PAM: variants seen among roughly 807,000 people sequenced by gnomAD.
PAM encodes the protein peptidyl-glycine alpha-amidating monooxygenase.
In PAM, 72 loss-of-function variants were observed where a neutral mutation model predicts 122.1. The observed-to-expected ratio is 0.59, with a 90% CI of 0.49 to 0.72. The LOEUF is 0.72. Among genes scored for constraint, PAM ranks in the 30% least tolerant of loss-of-function variants. PAM has a pLI of 0.00. For synonymous variants in PAM, 389 were observed against 404.4 expected, an observed-to-expected ratio of 0.96 and a Z score of 0.46; for missense variants, 1,106 against 1,183.7, an observed-to-expected ratio of 0.93 and a Z score of 0.96.
intron 12 of PAM, among the ~76,000 whole-genome samples, chr5:102,954,729 G>T (rs1332566579): frequency 6.6e-6 from 1 of 151,976 alleles, no homozygotes; most frequent in African/African-American, 2.4e-5. Context: ...AATAAAAACA[G>T]AATTTAATTA....
chr5:102,947,432 C>T (rs1757407059), intron 8 of PAM, among the ~76,000 whole-genome samples: 1 of 152,096 alleles, frequency 6.6e-6, no homozygotes, highest in Non-Finnish European at 1.5e-5. Context: ...GAATGGAAAA[C>T]CAAACATTGT....
chr5:102,821,395 C>G (rs1771847981), intron 1 of PAM, among the ~76,000 whole-genome samples: 1 of 152,222 alleles, frequency 6.6e-6, no homozygotes, highest in African/African-American at 2.4e-5. Context: ...CAGACTCACT[C>G]ACTCAAGTCC....
In PAM at chr5:102,909,182, C is replaced by A. The variant is rs115209980; in HGVS notation, c.269-4752C>A. Among the ~76,000 whole-genome samples the A allele has an allele frequency of 8.0e-3, 1,209 of 151,580 alleles. 22 individuals carry two copies. The highest frequency in any genetic ancestry group is 0.027 in the African/African-American group (1,129 of 41,418). On this transcript the variant is annotated intron_variant, in intron 4 of 25. Transcript: ENST00000438793. ...ATTAAATATGGCTTGAAAATACAAACAGTCTTAGAATACTGACTCTTTATC... is the reference window on the plus strand; with the variant it reads ...ATTAAATATGGCTTGAAAATACAAAAAGTCTTAGAATACTGACTCTTTATC...
At chr5:102,897,003 G>A (rs920802893) in intron 3 of PAM, among the ~76,000 whole-genome samples, 1 of 151,522 alleles carries the variant, frequency 6.6e-6, no homozygotes, top group South Asian at 2.1e-4. Flanking sequence ...GGGAGACAGC[G>A]ATTTGATTCT....
intron 21 of PAM, 91 bp from the exon 22 acceptor site, chr5:103,017,243 T>C: frequency 1.2e-6 from 1 of 837,760 alleles, no homozygotes; most frequent in Admixed American, 2.0e-5. Flanking sequence ...TTTTGTTGTT[T>C]TGTTGTGGGC....
At chr5:102,852,489 G>A (rs1781568917) in intron 1 of PAM, among the ~76,000 whole-genome samples, 1 of 151,902 alleles carries the variant, frequency 6.6e-6, no homozygotes, top group Non-Finnish European at 1.5e-5. Context: ...AAGGGTAACG[G>A]TTTCTGGTTG....
intron 1 of PAM, among the ~76,000 whole-genome samples, chr5:102,793,537 A>G (rs1033021364): frequency 6.6e-6 from 1 of 152,190 alleles, no homozygotes; most frequent in African/African-American, 2.4e-5. Flanking sequence ...CTCAAAACAA[A>G]ACAACAACCA....
At chr5:102,884,148 C>G (rs1792225481) in intron 3 of PAM, among the ~76,000 whole-genome samples, 1 of 151,718 alleles carries the variant, frequency 6.6e-6, no homozygotes, top group African/African-American at 2.4e-5. Context: ...CACTGGTTCC[C>G]TTGGCGAGGT....
At chr5:102,956,777 G>T (rs938451289) in intron 12 of PAM, among the ~76,000 whole-genome samples, 7 of 151,864 alleles carry the variant, frequency 4.6e-5, no homozygotes, top group African/African-American at 1.7e-4. Flanking sequence ...TTATTGTCCT[G>T]ATTTAGCCGA....
intron 7 of PAM, among the ~76,000 whole-genome samples, chr5:102,943,268 C>T (rs1278520525): frequency 2.0e-5 from 3 of 152,080 alleles, no homozygotes; most frequent in African/African-American, 4.8e-5. Context: ...CATCTAAGAA[C>T]GTAAGATGTA....
chr5:102,867,274 T>A lies in PAM; in HGVS notation c.91T>A (p.Phe31Ile). The part of the protein sequence containing the change: ...FRSPLSVFKR[F>I]KETTRPFSNE... ...ATTGAAATTGCCCTCTTTTTTAAGG[T>A]TTAAAGAAACTACCAGACCATTTTC... Residue 31 changes from phenylalanine (F) to isoleucine (I), a missense_variant and splice_region_variant, in exon 3 of 26, where the codon TTT (phenylalanine) becomes ATT (isoleucine). Coordinates refer to ENST00000438793, the MANE Select transcript of PAM (RefSeq NM_001177306.2). 11 of 1,598,794 alleles carry A rather than the reference T, an allele frequency of 6.9e-6. No homozygotes were observed. Among genetic ancestry groups the A allele is most frequent in the Non-Finnish European group, 9.4e-6 (11 of 1,166,678 alleles).
intron 24 of PAM, 75 bp from the exon 25 acceptor site, chr5:103,028,110 A>T: frequency 9.1e-7 from 1 of 1,093,492 alleles, no homozygotes; most frequent in Non-Finnish European, 1.4e-6. Context: ...TTCCTATTTT[A>T]AGTTGGAAGT....
intron 3 of PAM, among the ~76,000 whole-genome samples, chr5:102,895,680 T>C (rs1796009982): frequency 6.6e-6 from 1 of 151,818 alleles, no homozygotes; most frequent in Non-Finnish European, 1.5e-5. Flanking sequence ...GACAGACCCA[T>C]TCAAGTCTAG....
chr5:102,931,656 ATTC>A (rs1751547763), intron 7 of PAM, among the ~76,000 whole-genome samples: 2 of 152,216 alleles, frequency 1.3e-5, no homozygotes, highest in Non-Finnish European at 2.9e-5. Context: ...TGGAACTGAT[ATTC>A]TTAGAATGAA....
chr5:102,790,091 G>C (rs1437195786), intron 1 of PAM, among the ~76,000 whole-genome samples: 1 of 151,980 alleles, frequency 6.6e-6, no homozygotes, highest in Non-Finnish European at 1.5e-5. Context: ...TTTGTTGATT[G>C]TTATTTGTTT....
intron 15 of PAM, among the ~76,000 whole-genome samples, chr5:102,983,379 G>A (rs917565814): frequency 1.4e-5 from 2 of 147,992 alleles, no homozygotes; most frequent in African/African-American, 5.1e-5. Flanking sequence ...GAACCCAGGA[G>A]GTGGAGATTG....
intron 16 of PAM, among the ~76,000 whole-genome samples, chr5:102,991,665 G>A (rs1320632556): frequency 1.3e-5 from 2 of 152,050 alleles, no homozygotes; most frequent in African/African-American, 4.8e-5. Context: ...CTGTTTAATT[G>A]TCCTTTCCAG....
At chr5:102,764,438 T>C (rs1430428836) in intron 1 of PAM, among the ~76,000 whole-genome samples, 1 of 152,158 alleles carries the variant, frequency 6.6e-6, no homozygotes, top group Non-Finnish European at 1.5e-5. Context: ...AAAACCCAGA[T>C]GAAGTCGGGG....
At chr5:102,836,518 A>G (rs1777079387) in intron 1 of PAM, among the ~76,000 whole-genome samples, 1 of 152,178 alleles carries the variant, frequency 6.6e-6, no homozygotes, top group Non-Finnish European at 1.5e-5. Context: ...GATGTGAACC[A>G]CTGAGTCCAG....
Sources: allele counts gnomAD v4.1 joint callset (sites outside exome capture counted in the v4.1 genomes callset), GRCh38; gene constraint gnomAD v4.1.1; transcripts MANE v1.5; gene names NCBI Gene and HGNC (gene_info 2026-07-23, HGNC 2026-07-21).